The following GRIN3B variants were observed in gnomAD, a reference collection of about 807,000 sequenced individuals.
GRIN3B encodes glutamate receptor ionotropic, NMDA 3B.
In GRIN3B, 77 loss-of-function variants were observed where a neutral mutation model predicts 66.0. That is an observed-to-expected ratio of 1.17 (90% CI 0.97 to 1.41). The LOEUF (loss-of-function observed/expected upper bound fraction) is 1.41. Ranked by LOEUF, GRIN3B falls within the 40% of genes most tolerant of loss-of-function variation. The pLI is 0.00. For synonymous variants in GRIN3B, 823 were observed against 749.7 expected (o/e 1.10, Z -1.60); for missense variants, 1,787 against 1,564.5 (o/e 1.14, Z -2.40).
In GRIN3B at chr19:1,008,783, G is replaced by T. The variant is rs1831699916; in HGVS notation, c.2631+1G>T. On this transcript the variant is annotated splice_donor_variant, in intron 7 of 8. Coordinates refer to ENST00000234389, the MANE Select transcript of GRIN3B (RefSeq NM_138690.3). LOFTEE classifies it high-confidence loss of function. Reference sequence around the variant, plus strand: ...GCAGTACTGGCTGCACACCAGCCAGGTGGGGAGCGGGTGGGCGGCGGGCGG... The same window carrying T: ...GCAGTACTGGCTGCACACCAGCCAGTTGGGGAGCGGGTGGGCGGCGGGCGG... 2.1e-5 allele frequency: 34 copies of T among 1,600,008 alleles called. No individual in the cohort carries two copies. Among genetic ancestry groups the T allele is most frequent in the Non-Finnish European group, 2.7e-5 (32 of 1,174,418 alleles).
intron 1 of GRIN3B, among the ~76,000 whole-genome samples, chr19:1,001,479 C>T (rs1005972172): frequency 6.6e-6 from 1 of 151,938 alleles, no homozygotes; most frequent in African/African-American, 2.4e-5. Flanking sequence ...AACCCCACCC[C>T]AGGCCCAGAT....
At position 1,004,669 on chromosome 19, in the gene GRIN3B, C is replaced by T. The variant is rs370995692; in HGVS notation, c.1168C>T (p.Arg390Trp). 1.4e-4 allele frequency: 223 copies of T among 1,595,764 alleles called. No homozygotes were observed. Among genetic ancestry groups the T allele is most frequent in the Non-Finnish European group, 1.6e-4 (187 of 1,172,060 alleles). Residue 390 changes from arginine (R) to tryptophan (W), a missense_variant, in exon 3 of 9, where the codon CGG becomes TGG. Coordinates refer to ENST00000234389, the MANE Select transcript of GRIN3B (RefSeq NM_138690.3). The part of the protein sequence containing the change: ...APAWATVGSW[R>W]DGQLDLEPGG... ...GGCCTGGGCCACGGTGGGCAGCTGG[C>T]GGGACGGCCAGCTGGACTTGGAACC...
At position 1,005,609 on chromosome 19, in the gene GRIN3B, C is replaced by G. The variant is rs941783693; in HGVS notation, c.2052+56C>G. On this transcript the variant is annotated intron_variant, in intron 3 of 8. Transcript: ENST00000234389. This position sits in a 1 kb window ranked among gnomAD's most constrained non-coding sequence, Gnocchi z 5.2. ...TTGGGGGGCTAGCGGTGGCCCCGGG[C>G]TGGGCTGTGTGGGGCAGGGGTGGTC... 6.4e-6 allele frequency: 9 copies of G among 1,414,348 alleles called. No individual in the cohort carries two copies. The highest frequency in any genetic ancestry group is 2.1e-4 in the Middle Eastern group (1 of 4,718). 87.6% of individuals were successfully genotyped at this position (1,414,348 alleles called of 1,614,324 possible).
chr19:1,005,128 G>T lies in GRIN3B; in HGVS notation c.1627G>T (p.Asp543Tyr). Residue 543 changes from aspartate to tyrosine, a missense_variant, in exon 3 of 9, where the codon GAC becomes TAC. Asp to Tyr is a radical substitution (Grantham distance 160). Coordinates refer to ENST00000234389, the MANE Select transcript of GRIN3B (RefSeq NM_138690.3). The surrounding 1 kb of genome is among the most constrained non-coding windows in gnomAD (Gnocchi z 5.2). Reference protein sequence around the residue: ...SINSARSQVVDFTSPFFSTSL... With the variant: ...SINSARSQVVYFTSPFFSTSL... ...CAACTCCGCCCGCTCACAGGTGGTGGACTTCACCAGCCCCTTCTTCTCCAC... is the reference window on the plus strand; with the variant it reads ...CAACTCCGCCCGCTCACAGGTGGTGTACTTCACCAGCCCCTTCTTCTCCAC... The T allele has an allele frequency of 6.2e-7, 1 of 1,613,226 alleles. No homozygotes were observed. The highest frequency in any genetic ancestry group is 2.2e-5 in the East Asian group (1 of 44,872).
chr19:1,000,821 C>G lies in GRIN3B; in HGVS notation c.384C>G (p.Leu128=), dbSNP rs1462320009. Residue 128 remains leucine, a synonymous_variant, in exon 1 of 9, where the codon CTC becomes CTG. Transcript: ENST00000234389. ...CGGCGGCCACCGAGACCCCCGTGCTCAGCCTGCTGCGGCGGGAGGCGCGCG... is the reference window on the plus strand; with the variant it reads ...CGGCGGCCACCGAGACCCCCGTGCTGAGCCTGCTGCGGCGGGAGGCGCGCG... ...FLAAATETPV[L]SLLRREARAP... The G allele has an allele frequency of 2.1e-6, 3 of 1,448,954 alleles. No individual in the cohort carries two copies. The highest frequency in any genetic ancestry group is 2.7e-6 in the Non-Finnish European group (3 of 1,108,086). 89.8% of individuals were successfully genotyped at this position (1,448,954 alleles called of 1,614,324 possible).
chr19:1,008,968 A>G (rs1346037747), intron 8 of GRIN3B, 41 bp downstream of exon 8: 3 of 1,564,112 alleles, frequency 1.9e-6, no homozygotes, highest in Non-Finnish European at 2.6e-6. Flanking sequence ...AGGACCACCC[A>G]GACCCACCAC....
chr19:1,000,428 C>G lies in GRIN3B; in HGVS notation c.-10C>G. The G allele has an allele frequency of 8.2e-7, 1 of 1,213,176 alleles. No homozygotes were observed. The highest frequency in any genetic ancestry group is 1.0e-6 in the Non-Finnish European group (1 of 974,326). 75.2% of individuals were successfully genotyped at this position (1,213,176 alleles called of 1,614,324 possible). The stretch of plus-strand genomic sequence containing the variant: ...TGCGCCCCGTGGCGAGCGACGCCGA[C>G]AACTTTGCGATGGAGTTTGTGCGGG... On this transcript the variant is annotated 5_prime_UTR_variant, in exon 1 of 9. Coordinates refer to ENST00000234389, the MANE Select transcript of GRIN3B (RefSeq NM_138690.3).
At chr19:1,001,708 G>A (rs2038685868) in intron 1 of GRIN3B, among the ~76,000 whole-genome samples, 2 of 151,994 alleles carry the variant, frequency 1.3e-5, no homozygotes, top group African/African-American at 4.8e-5. Flanking sequence ...TCTCCTCAGG[G>A]AGGGAGACCC....
intron 6 of GRIN3B, 112 bp downstream of exon 6, chr19:1,008,403 C>T (rs868313198): frequency 3.8e-5 from 42 of 1,092,682 alleles, no homozygotes; most frequent in Middle Eastern, 2.9e-4. Flanking sequence ...CGTTTGTCTG[C>T]TTCTGCGCAC....
Position 1,004,549 on chromosome 19 carries a change from C to A in GRIN3B, c.1048C>A (p.Arg350Ser). Residue 350 changes from arginine (R) to serine (S), a missense_variant, in exon 3 of 9, where the codon CGC becomes AGC. Transcript: ENST00000234389. Reference sequence around the variant, plus strand: ...CCTGGCCAACACGTCCTTCCAGGGCCGCACGGGCCCCGTGTGGGTGACAGG... The same window carrying A: ...CCTGGCCAACACGTCCTTCCAGGGCAGCACGGGCCCCGTGTGGGTGACAGG... ...RFLANTSFQG[R>S]TGPVWVTGSS... 6.2e-7 allele frequency: 1 copy of A among 1,607,808 alleles called. No homozygotes were observed. Among genetic ancestry groups the A allele is most frequent in the Non-Finnish European group, 8.5e-7 (1 of 1,177,984 alleles).
intron 8 of GRIN3B, 54 bp from the exon 9 acceptor site, chr19:1,009,119 A>G (rs112291640): frequency 9.1e-6 from 13 of 1,435,688 alleles, no homozygotes; most frequent in African/African-American, 5.8e-5. Context: ...GCAGAGGCCC[A>G]GGGCGCGAGA....
chr19:1,009,327 G>A lies in GRIN3B; in HGVS notation c.2857G>A (p.Glu953Lys). ...VVAPEADAEA[E>K]AAPREGPVWL... ...GGCACCCGAAGCGGACGCGGAGGCG[G>A]AGGCTGCGCCGCGAGAGGGCCCCGT... is the stretch of plus-strand genomic sequence containing the variant. Residue 953 changes from glutamate (E) to lysine (K), a missense_variant, in exon 9 of 9, where the codon GAG becomes AAG. By Grantham distance (56) the Glu-to-Lys change is moderately conservative. Coordinates refer to ENST00000234389, the MANE Select transcript of GRIN3B (RefSeq NM_138690.3). The A allele has an allele frequency of 7.1e-7, 1 of 1,401,252 alleles. No homozygotes were observed. The highest frequency in any genetic ancestry group is 9.2e-7 in the Non-Finnish European group (1 of 1,087,352). The allele number at this position is 1,401,252 out of a possible 1,614,324, so 86.8% of individuals were successfully genotyped here. A position where few individuals can be genotyped will look rare whatever the true frequency, so the allele number is the denominator to read the frequency against.
rs1377522698 is a variant in GRIN3B, at chr19:1,003,474, C to A, written c.771C>A (p.His257Gln). The change falls in exon 2 of 9, where the codon CAC becomes CAA. Residue 257 changes from histidine to glutamine, a missense_variant. By Grantham distance (24) the His-to-Gln change is conservative. Transcript: ENST00000234389. ...TGGAGGCCGTACCTCCCGGCCCCCA[C>A]TGGCTGTTGGGGACACCACTGCCGC... ...RVLEAVPPGPHWLLGTPLPPK... is the reference protein window; with the variant it reads ...RVLEAVPPGPQWLLGTPLPPK... The A allele has an allele frequency of 6.1e-5, 94 of 1,538,136 alleles. No individual in the cohort carries two copies. The highest frequency in any genetic ancestry group is 7.8e-5 in the Non-Finnish European group (90 of 1,147,076).
chr19:1,008,568 G>A (rs778654056), intron 6 of GRIN3B, 50 bp from the exon 7 acceptor site: 1 of 1,568,886 alleles, frequency 6.4e-7, no homozygotes, highest in South Asian at 1.1e-5. Flanking sequence ...AGGCTCCCCA[G>A]GGGCCTGCCA....
chr19:1,005,437 A>C lies in GRIN3B; in HGVS notation c.1936A>C (p.Met646Leu). 1 of 1,613,576 alleles carries C rather than the reference A, an allele frequency of 6.2e-7. No individual in the cohort carries two copies. The highest frequency in any genetic ancestry group is 8.5e-7 in the Non-Finnish European group (1 of 1,179,986). Residue 646 changes from methionine to leucine, a missense_variant, in exon 3 of 9, where the codon ATG becomes CTG. Coordinates refer to ENST00000234389, the MANE Select transcript of GRIN3B (RefSeq NM_138690.3). This position sits in a 1 kb window ranked among gnomAD's most constrained non-coding sequence, Gnocchi z 5.2. ...CAAGTGCCCCACGGGCCGCCTGCTC[A>C]TGAACCTCTGGGCCATCTTCTGCCT... ...TPKCPTGRLL[M>L]NLWAIFCLLV...
chr19:1,004,326 C>T (rs8108041), intron 2 of GRIN3B, among the ~76,000 whole-genome samples, 195 bp from the exon 3 acceptor site: 3 of 152,096 alleles, frequency 2.0e-5, no homozygotes, highest in East Asian at 1.9e-4. Context: ...GGCACAGCCA[C>T]GGCATCGGGC....
Position 1,000,586 on chromosome 19 carries a change from G to A in GRIN3B, c.149G>A (p.Arg50His), listed in dbSNP as rs1415369032. 4 of 1,012,912 alleles carry A rather than the reference G, an allele frequency of 3.9e-6. No individual in the cohort carries two copies. The Admixed American group carries it at 1.8e-4, about 45-fold the overall frequency. 62.7% of individuals were successfully genotyped at this position (1,012,912 alleles called of 1,614,324 possible). ...GALLPRAPLA[R>H]ARARAALARA... The stretch of plus-strand genomic sequence containing the variant: ...CTCCTGCCCCGCGCGCCTCTCGCCC[G>A]CGCCCGCGCCCGCGCCGCCCTGGCC... The change falls in exon 1 of 9, where the codon CGC (arginine) becomes CAC (histidine). Residue 50 changes from arginine to histidine, a missense_variant. Arg to His is a conservative substitution (Grantham distance 29). Transcript: ENST00000234389.
Position 1,005,119 on chromosome 19 carries a change from C to G in GRIN3B, c.1618C>G (p.Gln540Glu), listed in dbSNP as rs753392205. The G allele has an allele frequency of 8.1e-6, 13 of 1,613,078 alleles. No homozygotes were observed. Among genetic ancestry groups the G allele is most frequent in the African/African-American group, 8.0e-5 (6 of 74,934 alleles). The change falls in exon 3 of 9, where the codon CAG becomes GAG. Residue 540 changes from glutamine (Q) to glutamate (E), a missense_variant. Gln to Glu is a conservative substitution (Grantham distance 29). Coordinates refer to ENST00000234389, the MANE Select transcript of GRIN3B (RefSeq NM_138690.3). The surrounding 1 kb of genome is among the most constrained non-coding windows in gnomAD (Gnocchi z 5.2). ...CTTCAGTATCAACTCCGCCCGCTCA[C>G]AGGTGGTGGACTTCACCAGCCCCTT... ...TSFSINSARS[Q>E]VVDFTSPFFS...
chr19:1,007,658 G>C lies in GRIN3B; in HGVS notation c.2083G>C (p.Gly695Arg), dbSNP rs1315085538. The change falls in exon 4 of 9, where the codon GGC becomes CGC. Residue 695 changes from glycine to arginine, a missense_variant. Transcript: ENST00000234389. The surrounding 1 kb of genome is among the most constrained non-coding windows in gnomAD (Gnocchi z 4.4). The stretch of plus-strand genomic sequence containing the variant: ...CCACCCGGCGCAGGGCTTCCGCTTC[G>C]GCACCGTGTGGGAGAGCAGCGCCGA... ...LHHPAQGFRF[G>R]TVWESSAEAY... The C allele has an allele frequency of 6.5e-7, 1 of 1,529,108 alleles. No homozygotes were observed. Among genetic ancestry groups the C allele is most frequent in the Non-Finnish European group, 8.8e-7 (1 of 1,140,400 alleles). The allele number at this position is 1,529,108 out of a possible 1,614,324, so 94.7% of individuals were successfully genotyped here.
Sources: gnomAD v4.1 joint callset for allele counts (sites outside exome capture counted in the v4.1 genomes callset) on GRCh38, gnomAD v4.1.1 for gene constraint, Gnocchi (gnomAD v3.1) non-coding constraint, MANE v1.5 for transcripts, NCBI Gene and HGNC (gene_info 2026-07-23, HGNC 2026-07-21) for gene names.